The following ST6GALNAC3 variants were observed in gnomAD, a reference collection of about 807,000 sequenced individuals.
The protein encoded by ST6GALNAC3 is ST6 N-acetylgalactosaminide alpha-2,6-sialyltransferase 3.
ST6GALNAC3 carries 25 observed loss-of-function variants against 32.7 expected under a neutral mutation model. The ratio of observed to expected loss-of-function variants is 0.76; its 90% CI spans 0.56 to 1.07. The LOEUF (loss-of-function observed/expected upper bound fraction) is 1.07, where lower values mean the gene tolerates loss of function less well. Ranked by LOEUF, ST6GALNAC3 falls within the 50% of genes least tolerant of loss-of-function variation. The probability of loss-of-function intolerance (pLI) is 0.00; values close to 1 mark genes in which losing one functional copy is unlikely to be tolerated. For missense variants in ST6GALNAC3, 355 were observed against 382.4 expected, an observed-to-expected ratio of 0.93 and a Z score of 0.60; for synonymous variants, 129 against 133.1, an observed-to-expected ratio of 0.97 and a Z score of 0.21.
At chr1:76,074,960 G>A in intron 1 of ST6GALNAC3, 76 bp downstream of exon 1, 2 of 1,532,532 alleles carry the variant, frequency 1.3e-6, no homozygotes, top group Non-Finnish European at 1.8e-6. Context: ...GTCAGCCGCG[G>A]TCCCACCGCA....
chr1:76,426,566 CAT>C (rs570524820), intron 3 of ST6GALNAC3, among the ~76,000 whole-genome samples: 20 of 146,656 alleles, frequency 1.4e-4, no homozygotes, highest in South Asian at 4.3e-4. Flanking sequence ...TATATCTGTA[CAT>C]ATATATATAT....
intron 2 of ST6GALNAC3, among the ~76,000 whole-genome samples, chr1:76,320,180 C>T (rs554650168): frequency 3.4e-4 from 51 of 152,230 alleles, no homozygotes; most frequent in African/African-American, 1.1e-3. Flanking sequence ...GAAGACAAAG[C>T]AGAGTTGGGT....
chr1:76,131,875 C>T (rs565922780), intron 1 of ST6GALNAC3, among the ~76,000 whole-genome samples: 1 of 152,116 alleles, frequency 6.6e-6, no homozygotes, highest in African/African-American at 2.4e-5. Flanking sequence ...TGCAGGTGAC[C>T]CTGGTTTTCA....
At chr1:76,207,842 A>G (rs924727151) in intron 1 of ST6GALNAC3, among the ~76,000 whole-genome samples, 2 of 152,230 alleles carry the variant, frequency 1.3e-5, no homozygotes, top group Non-Finnish European at 2.9e-5. Flanking sequence ...ATTGATTCCC[A>G]TAGTCCATAT....
rs1252648986 is a variant in ST6GALNAC3, at chr1:76,550,396, G to T, written c.624-77056G>T. ...GCTGCATAGGTAACTAGTCATCTCA[G>T]CAGCATTATTGAATGCTTCATTTTT... On this transcript the variant is annotated intron_variant, in intron 3 of 4. Transcript: ENST00000328299. Among the ~76,000 whole-genome samples the T allele has an allele frequency of 2.0e-5, 3 of 152,110 alleles. No individual in the cohort carries two copies. In the East Asian group the frequency reaches 5.8e-4, roughly 29 times the overall value.
At position 76,287,028 on chromosome 1, in the gene ST6GALNAC3, G is replaced by A. The variant is rs569366500; in HGVS notation, c.19-26777G>A. Among the ~76,000 whole-genome samples, 79 of 152,294 alleles carry A rather than the reference G, an allele frequency of 5.2e-4. 1 individual carries two copies. In the South Asian group the frequency reaches 0.016, roughly 30 times the overall value. Reference sequence around the variant, plus strand: ...CTCTGAATTCTGGACTTCTGATCTTGCCAGAGATAGTTGTTAGAAGAAATT... The same window carrying A: ...CTCTGAATTCTGGACTTCTGATCTTACCAGAGATAGTTGTTAGAAGAAATT... On this transcript the variant is annotated intron_variant, in intron 1 of 4. Coordinates refer to ENST00000328299, the MANE Select transcript of ST6GALNAC3 (RefSeq NM_152996.4).
At chr1:76,232,515 G>A (rs934097581) in intron 1 of ST6GALNAC3, among the ~76,000 whole-genome samples, 1 of 152,180 alleles carries the variant, frequency 6.6e-6, no homozygotes, top group Non-Finnish European at 1.5e-5. Flanking sequence ...TGGCCATCTG[G>A]GAGTAAGGGG....
intron 1 of ST6GALNAC3, among the ~76,000 whole-genome samples, chr1:76,185,023 A>AT (rs894952276): frequency 2.6e-4 from 39 of 151,982 alleles, no homozygotes; most frequent in African/African-American, 9.4e-4. Flanking sequence ...AAGGTAGCAC[A>AT]TTTTTTTTAA....
At chr1:76,393,844 T>C (rs1652745877) in intron 2 of ST6GALNAC3, among the ~76,000 whole-genome samples, 1 of 151,450 alleles carries the variant, frequency 6.6e-6, no homozygotes, top group Admixed American at 6.6e-5. Flanking sequence ...GCTGAAGGAG[T>C]GATGGTTGTG....
intron 1 of ST6GALNAC3, among the ~76,000 whole-genome samples, chr1:76,280,085 C>T (rs564852826): frequency 6.6e-6 from 1 of 152,146 alleles, no homozygotes; most frequent in South Asian, 2.1e-4. Flanking sequence ...CTCCACTTCT[C>T]CTTCGCCTTT....
At chr1:76,543,899 A>G (rs190861633) in intron 3 of ST6GALNAC3, among the ~76,000 whole-genome samples, 2 of 152,298 alleles carry the variant, frequency 1.3e-5, no homozygotes, top group African/African-American at 4.8e-5. Flanking sequence ...CTAAGTAAAG[A>G]TCATTAATTT....
chr1:76,298,055 G>A (rs1660509410), intron 1 of ST6GALNAC3, among the ~76,000 whole-genome samples: 1 of 152,042 alleles, frequency 6.6e-6, no homozygotes, highest in South Asian at 2.1e-4. Context: ...CATGGTTAAA[G>A]TATAGGGTAC....
At chr1:76,367,206 T>C (rs1570982799) in intron 2 of ST6GALNAC3, among the ~76,000 whole-genome samples, 1 of 152,320 alleles carries the variant, frequency 6.6e-6, no homozygotes, top group South Asian at 2.1e-4. Flanking sequence ...TTTCATACCA[T>C]AGTATAAATT....
At chr1:76,366,628 A>C (rs2101066584) in intron 2 of ST6GALNAC3, among the ~76,000 whole-genome samples, 1 of 152,314 alleles carries the variant, frequency 6.6e-6, no homozygotes, top group Non-Finnish European at 1.5e-5. Context: ...AGCAAATATC[A>C]AGGTGTTCTT....
At chr1:76,460,319 T>C (rs1658193396) in intron 3 of ST6GALNAC3, among the ~76,000 whole-genome samples, 2 of 152,096 alleles carry the variant, frequency 1.3e-5, no homozygotes, top group Admixed American at 6.6e-5. Context: ...TTAAATTGGG[T>C]CGTTTGTCTT....
At chr1:76,564,621 T>G (rs1000638851) in intron 3 of ST6GALNAC3, among the ~76,000 whole-genome samples, 5 of 150,110 alleles carry the variant, frequency 3.3e-5, no homozygotes, top group Non-Finnish European at 7.4e-5. Flanking sequence ...AGTCTAGCTC[T>G]GTTGCCCAGG....
At chr1:76,096,197 A>G (rs1024934826) in intron 1 of ST6GALNAC3, among the ~76,000 whole-genome samples, 3 of 152,224 alleles carry the variant, frequency 2.0e-5, no homozygotes, top group Non-Finnish European at 4.4e-5. Flanking sequence ...GAAATGAGGT[A>G]GATGCAGGTG....
At chr1:76,415,775 A>G (rs1181227250) in intron 3 of ST6GALNAC3, among the ~76,000 whole-genome samples, 1 of 152,024 alleles carries the variant, frequency 6.6e-6, no homozygotes, top group East Asian at 1.9e-4. Flanking sequence ...TATTAGCACC[A>G]TTGCTGCTCA....
chr1:76,562,943 T>C (rs923623101), intron 3 of ST6GALNAC3, among the ~76,000 whole-genome samples: 1 of 152,164 alleles, frequency 6.6e-6, no homozygotes, highest in South Asian at 2.1e-4. Context: ...TGGTTGCACA[T>C]AGAAGGAAGG....
Sources: allele counts gnomAD v4.1 joint callset (sites outside exome capture counted in the v4.1 genomes callset), GRCh38; gene constraint gnomAD v4.1.1; transcripts MANE v1.5; gene names NCBI Gene and HGNC (gene_info 2026-07-23, HGNC 2026-07-21).